Variants in IGHMBP2 observed in about 807,000 individuals in gnomAD.
The protein encoded by IGHMBP2 is immunoglobulin mu DNA binding protein 2, also known as DNA-binding protein SMUBP-2.
A neutral mutation model predicts 96.0 loss-of-function variants in IGHMBP2; 81 were observed. The ratio of observed to expected loss-of-function variants is 0.84; its 90% CI spans 0.71 to 1.01. The LOEUF (loss-of-function observed/expected upper bound fraction) is 1.01. IGHMBP2 is among the 50% of genes least tolerant of loss of function. The probability of loss-of-function intolerance (pLI) is 0.00; values close to 1 mark genes in which losing one functional copy is unlikely to be tolerated. For missense variants in IGHMBP2, 1,227 were observed against 1,306.3 expected, an observed-to-expected ratio of 0.94 and a Z score of 0.94; for synonymous variants, 557 against 548.9, an observed-to-expected ratio of 1.01 and a Z score of -0.21.
intron 8 of IGHMBP2, among the ~76,000 whole-genome samples, chr11:68,931,110 C>T (rs1381909404): frequency 1.3e-5 from 2 of 152,206 alleles, no homozygotes; most frequent in African/African-American, 4.8e-5. Flanking sequence ...TCCCCTTCCA[C>T]TCAGGACTCT....
rs144565481 is a variant in IGHMBP2 at position 68,917,774 on chromosome 11, T to C, written c.951T>C (p.Ser317=). The C allele has an allele frequency of 5.3e-5, 86 of 1,613,334 alleles. No homozygotes were observed. The highest frequency in any genetic ancestry group is 7.0e-5 in the Non-Finnish European group (82 of 1,179,302). The change falls in exon 7 of 15, where the codon AGT becomes AGC. Residue 317 remains serine, a synonymous_variant. Transcript: ENST00000255078. ...NKKTQDKREK[S]NFRNEIKLLR... is the part of the protein sequence containing the mutation. ...AGACCCAGGATAAGAGAGAGAAAAGTAATTTTCGAAATGAAATTAAGCTGT... is the reference window on the plus strand; with the variant it reads ...AGACCCAGGATAAGAGAGAGAAAAGCAATTTTCGAAATGAAATTAAGCTGT...
chr11:68,927,554 A>G (rs139237992), intron 7 of IGHMBP2, among the ~76,000 whole-genome samples: 64 of 152,322 alleles, frequency 4.2e-4, no homozygotes, highest in Non-Finnish European at 6.8e-4. Flanking sequence ...GGCCTTCTAG[A>G]TTCCCAGGAA....
chr11:68,914,273 G>A (rs1279588261), intron 5 of IGHMBP2, among the ~76,000 whole-genome samples: 2 of 146,930 alleles, frequency 1.4e-5, no homozygotes, highest in African/African-American at 5.0e-5. Context: ...TCCAGCCTGG[G>A]CCATAGAGCA....
chr11:68,903,898 C>T lies in IGHMBP2; in HGVS notation c.-55C>T. 2 of 1,607,030 alleles carry T rather than the reference C, an allele frequency of 1.2e-6. No individual in the cohort carries two copies. The highest frequency in any genetic ancestry group is 1.7e-6 in the Non-Finnish European group (2 of 1,176,122). On this transcript the variant is annotated 5_prime_UTR_variant, in exon 1 of 15. Coordinates refer to ENST00000255078, the MANE Select transcript of IGHMBP2 (RefSeq NM_002180.3). ...GGGGAACACCGGTCCGCTGTAACAC[C>T]GGCCCGGCGCAGAAGCGGGACGTCG...
rs886043774 is a variant in IGHMBP2, at chr11:68,937,076, AAG to A, written c.2598_2599del (p.Lys868SerfsTer16). The A allele has an allele frequency of 3.1e-6, 5 of 1,599,078 alleles. No homozygotes were observed. Among genetic ancestry groups the A allele is most frequent in the East Asian group, 2.2e-5 (1 of 44,884 alleles). ...GCAGCAGAAACTTCCAGAAAAGAAAAAGAAAAAAGCCAAAGGTAAGTCAACTA... is the reference window on the plus strand; with the variant it reads ...GCAGCAGAAACTTCCAGAAAAGAAAAAAAAAAGCCAAAGGTAAGTCAACTA... ...SGQQKLPEKK[K>X]KKAKGHPATD... On this transcript the variant is annotated frameshift_variant, in exon 13 of 15. Transcript: ENST00000255078. LOFTEE classifies it high-confidence loss of function.
intron 7 of IGHMBP2, among the ~76,000 whole-genome samples, chr11:68,921,815 G>A (rs934707447): frequency 6.6e-6 from 1 of 152,158 alleles, no homozygotes; most frequent in Non-Finnish European, 1.5e-5. Flanking sequence ...GGGTCAGCCG[G>A]TGATGCAGTC....
intron 5 of IGHMBP2, among the ~76,000 whole-genome samples, chr11:68,912,920 C>T (rs1468650075): frequency 6.6e-6 from 1 of 151,556 alleles, no homozygotes; most frequent in Non-Finnish European, 1.5e-5. Context: ...CACACACCTG[C>T]AATCCCAGCT....
At chr11:68,904,063 C>T (rs1044049914) in intron 1 of IGHMBP2, 25 bp downstream of exon 1, 21 of 1,534,580 alleles carry the variant, frequency 1.4e-5, no homozygotes, top group Admixed American at 3.9e-5. Flanking sequence ...CGGCGCCGCT[C>T]CCTCGCGGTC....
intron 5 of IGHMBP2, 98 bp from the exon 6 acceptor site, chr11:68,914,725 G>A (rs1007649154): frequency 3.2e-6 from 4 of 1,268,316 alleles, no homozygotes; most frequent in African/African-American, 2.9e-5. Context: ...TACATGCCTT[G>A]TGCTTCTTTC....
chr11:68,927,084 T>C (rs1185184448), intron 7 of IGHMBP2, among the ~76,000 whole-genome samples: 4 of 152,206 alleles, frequency 2.6e-5, no homozygotes, highest in Non-Finnish European at 2.9e-5. Flanking sequence ...TTGATTGCCT[T>C]TTTTCCCCTG....
At chr11:68,906,024 G>A in intron 1 of IGHMBP2, 45 bp from the exon 2 acceptor site, 1 of 1,590,790 alleles carries the variant, frequency 6.3e-7, no homozygotes, top group Non-Finnish European at 8.6e-7. Flanking sequence ...GGTGGAAGTA[G>A]AAACTAGTAA....
Position 68,936,703 on chromosome 11 carries a change from G to A in IGHMBP2, c.2223G>A (p.Lys741=). 1 of 1,614,122 alleles carries A rather than the reference G, an allele frequency of 6.2e-7. No homozygotes were observed. Among genetic ancestry groups the A allele is most frequent in the African/African-American group, 1.3e-5 (1 of 75,076 alleles). The part of the protein sequence containing the change: ...AMIVEFMASK[K]MQLEFPPSLN... The stretch of plus-strand genomic sequence containing the variant: ...TAGTGGAGTTCATGGCCAGCAAGAA[G>A]ATGCAGTTGGAGTTTCCTCCTTCCC... The change falls in exon 13 of 15, where the codon AAG becomes AAA. Residue 741 remains lysine (K), a synonymous_variant. Transcript: ENST00000255078.
Position 68,938,361 on chromosome 11 carries a change from C to G in IGHMBP2, c.2784+7C>G. ...CAGCCACCACCTGCCCGAGGTATGTCGGCCTCCCCTCCTGCGATCAAACAG... is the reference window on the plus strand; with the variant it reads ...CAGCCACCACCTGCCCGAGGTATGTGGGCCTCCCCTCCTGCGATCAAACAG... On this transcript the variant is annotated splice_region_variant and intron_variant, in intron 14 of 14. Coordinates refer to ENST00000255078, the MANE Select transcript of IGHMBP2 (RefSeq NM_002180.3). 6.2e-7 allele frequency: 1 copy of G among 1,604,956 alleles called. No individual in the cohort carries two copies. The highest frequency in any genetic ancestry group is 1.1e-5 in the South Asian group (1 of 89,984).
chr11:68,933,239 G>T (rs563779023), intron 8 of IGHMBP2, 60 bp from the exon 9 acceptor site: 1 of 1,531,752 alleles, frequency 6.5e-7, no homozygotes, highest in Non-Finnish European at 8.9e-7. Flanking sequence ...ACTTGCTGTG[G>T]TTCACACCTG....
At chr11:68,933,676 G>T in intron 9 of IGHMBP2, 119 bp from the exon 10 acceptor site, 1 of 998,408 alleles carries the variant, frequency 1.0e-6, no homozygotes, top group Non-Finnish European at 1.5e-6. Context: ...ATGTCCTGAT[G>T]TGCTCATTGT....
intron 7 of IGHMBP2, among the ~76,000 whole-genome samples, chr11:68,921,364 C>T (rs984015949): frequency 3.9e-5 from 6 of 152,100 alleles, no homozygotes; most frequent in African/African-American, 1.4e-4. Context: ...CACCTTGGTG[C>T]TGGGATTATA....
intron 7 of IGHMBP2, among the ~76,000 whole-genome samples, chr11:68,921,934 A>G (rs1016723631): frequency 1.4e-4 from 21 of 152,214 alleles, no homozygotes; most frequent in Non-Finnish European, 3.1e-4. Flanking sequence ...TATTTTAAAG[A>G]TGTTGTCCAC....
At chr11:68,929,978 C>G (rs1859218881) in intron 8 of IGHMBP2, 1 of 1,032,136 alleles carries the variant, frequency 9.7e-7, no homozygotes, top group Non-Finnish European at 1.2e-6. Context: ...CCCCCCCAGC[C>G]CCCCTCTCAC....
Position 68,914,872 on chromosome 11 carries a change from G to T in IGHMBP2, c.761G>T (p.Arg254Leu), listed in dbSNP as rs761191746. 1.2e-6 allele frequency: 2 copies of T among 1,614,240 alleles called. No individual in the cohort carries two copies. Among genetic ancestry groups the T allele is most frequent in the Non-Finnish European group, 1.7e-6 (2 of 1,180,046 alleles). Residue 254 changes from arginine to leucine, a missense_variant, in exon 6 of 15, where the codon CGC becomes CTC. Arg to Leu is a moderately radical substitution (Grantham distance 102). Coordinates refer to ENST00000255078, the MANE Select transcript of IGHMBP2 (RefSeq NM_002180.3). ...SNIAVDNLVE[R>L]LALCKQRILR... ...ATCGCCGTGGACAATCTGGTGGAGCGCCTGGCTCTGTGTAAGCAGCGGATT... is the reference window on the plus strand; with the variant it reads ...ATCGCCGTGGACAATCTGGTGGAGCTCCTGGCTCTGTGTAAGCAGCGGATT...
Sources: gnomAD v4.1 joint callset for allele counts (sites outside exome capture counted in the v4.1 genomes callset) on GRCh38, gnomAD v4.1.1 for gene constraint, MANE v1.5 for transcripts, NCBI Gene and HGNC (gene_info 2026-07-23, HGNC 2026-07-21) for gene names.